Variants in SHROOM2 observed in about 807,000 individuals in gnomAD.
SHROOM2 encodes protein Shroom2.
SHROOM2 carries 33 observed loss-of-function variants against 75.9 expected under a neutral mutation model. The ratio of observed to expected loss-of-function variants is 0.43; its 90% CI spans 0.33 to 0.58. The LOEUF is 0.58. SHROOM2 is among the 20% of genes least tolerant of loss of function. SHROOM2 has a pLI of 0.04. For synonymous variants in SHROOM2, 655 were observed against 663.6 expected, an observed-to-expected ratio of 0.99 and a Z score of 0.20; for missense variants, 1,434 against 1,461.2, an observed-to-expected ratio of 0.98 and a Z score of 0.30.
intron 1 of SHROOM2, among the ~76,000 whole-genome samples, chrX:9,841,624 T>C (rs2083980015): frequency 8.9e-6 from 1 of 111,921 alleles, no homozygotes; most frequent in South Asian, 3.7e-4. Context: ...CAGGCAGTTA[T>C]AGTTGGAGGC....
chrX:9,829,700 C>T (rs1035192509), intron 1 of SHROOM2, among the ~76,000 whole-genome samples: 1 of 112,193 alleles, frequency 8.9e-6, no homozygotes, highest in Non-Finnish European at 1.9e-5. Context: ...CTGAAGGTGA[C>T]TCACAAGCGA....
chrX:9,877,641 C>G (rs2084208226), intron 2 of SHROOM2, among the ~76,000 whole-genome samples: 1 of 112,102 alleles, frequency 8.9e-6, no homozygotes, highest in African/African-American at 3.2e-5. Context: ...GATCTGGGCT[C>G]TGGAATCTTC....
rs2083853432 is a variant in SHROOM2, at chrX:9,821,602, A to G, written c.165+34892A>G. On this transcript the variant is annotated intron_variant, in intron 1 of 9. Coordinates refer to ENST00000380913, the MANE Select transcript of SHROOM2 (RefSeq NM_001649.4). ...GAAATTTTAAAGCCTGTTGGTTGTA[A>G]TAAATATTGCACCCCACCACATTTG... Among the ~76,000 whole-genome samples, 6 of 112,269 alleles carry G rather than the reference A, an allele frequency of 5.3e-5. No individual in the cohort carries two copies. The Admixed American group carries it at 5.7e-4, about 11-fold the overall frequency.
intron 5 of SHROOM2, among the ~76,000 whole-genome samples, chrX:9,907,844 C>G (rs964368958): frequency 8.9e-6 from 1 of 111,747 alleles, no homozygotes; most frequent in African/African-American, 3.3e-5. Flanking sequence ...TGTGGCTGCT[C>G]CCTCTCTATA....
At chrX:9,882,079 T>C (rs148580072) in intron 2 of SHROOM2, among the ~76,000 whole-genome samples, 4,000 of 111,152 alleles carry the variant, frequency 0.036, 74 homozygotes, top group Non-Finnish European at 0.055. Flanking sequence ...AGATTGTTTC[T>C]TGAAATCTCT....
intron 1 of SHROOM2, among the ~76,000 whole-genome samples, chrX:9,856,943 G>C (rs2084074104): frequency 8.9e-6 from 1 of 112,563 alleles, no homozygotes; most frequent in South Asian, 3.6e-4. Flanking sequence ...GGCTGCTCCA[G>C]TCTCCATGGT....
intron 1 of SHROOM2, among the ~76,000 whole-genome samples, chrX:9,796,006 G>C (rs927507493): frequency 9.0e-6 from 1 of 111,118 alleles, no homozygotes; most frequent in African/African-American, 3.3e-5. Context: ...GTTCCTAACC[G>C]TTTCTAATCA....
chrX:9,871,110 T>C (rs1159889433), intron 1 of SHROOM2, among the ~76,000 whole-genome samples: 2 of 111,809 alleles, frequency 1.8e-5, no homozygotes, highest in East Asian at 5.6e-4. Context: ...TTGGAATCCC[T>C]GGACCCCCAG....
At chrX:9,934,222 G>A (rs188736447) in intron 6 of SHROOM2, among the ~76,000 whole-genome samples, 542 of 112,129 alleles carry the variant, frequency 4.8e-3, no homozygotes, top group Non-Finnish European at 8.3e-3. Context: ...CAGGTGTGGC[G>A]GGTGGCTGCC....
At chrX:9,815,796 A>T (rs1051024700) in intron 1 of SHROOM2, among the ~76,000 whole-genome samples, 1 of 110,355 alleles carries the variant, frequency 9.1e-6, no homozygotes, top group Admixed American at 9.9e-5. Flanking sequence ...TCTCCTTTTC[A>T]CGTCTTTCTG....
rs1039059789 is a variant in SHROOM2 at position 9,837,530 on chromosome X, C to T, written c.166-36122C>T. ...GTCCCATCCTGCCCTCCCGACAGGGCGGCATGCGGAAGGAACATAGGGGAC... is the reference window on the plus strand; with the variant it reads ...GTCCCATCCTGCCCTCCCGACAGGGTGGCATGCGGAAGGAACATAGGGGAC... On this transcript the variant is annotated intron_variant, in intron 1 of 9. Coordinates refer to ENST00000380913, the MANE Select transcript of SHROOM2 (RefSeq NM_001649.4). 2.7e-5 allele frequency among the ~76,000 whole-genome samples: 3 copies of T among 112,233 alleles called. No individual in the cohort carries two copies. The East Asian group carries it at 8.4e-4, about 31-fold the overall frequency.
At chrX:9,806,331 T>C (rs2083751712) in intron 1 of SHROOM2, among the ~76,000 whole-genome samples, 1 of 110,512 alleles carries the variant, frequency 9.0e-6, no homozygotes, top group African/African-American at 3.3e-5. Flanking sequence ...AATGAACTTT[T>C]AGGTCCCCAA....
At position 9,873,813 on chromosome X, in the gene SHROOM2, G is replaced by A. The variant is rs368631870; in HGVS notation, c.317+10G>A. ...AGCTGGTCGTCAAAAGGTAAGATCT[G>A]AGCTTCCTCCCACATTTACCACGAC... On this transcript the variant is annotated intron_variant, in intron 2 of 9. Transcript: ENST00000380913. The A allele has an allele frequency of 5.7e-5, 69 of 1,207,105 alleles. No individual in the cohort carries two copies. The highest frequency in any genetic ancestry group is 4.9e-5 in the Non-Finnish European group (44 of 893,865).
intron 5 of SHROOM2, among the ~76,000 whole-genome samples, chrX:9,918,843 C>G (rs1425824854): frequency 8.9e-6 from 1 of 112,063 alleles, no homozygotes; most frequent in Non-Finnish European, 1.9e-5. Flanking sequence ...ACCCTCCTGA[C>G]TGCATCACCT....
At chrX:9,906,403 G>A (rs1601981789) in intron 5 of SHROOM2, among the ~76,000 whole-genome samples, 2 of 111,879 alleles carry the variant, frequency 1.8e-5, no homozygotes, top group Admixed American at 9.4e-5. Context: ...ACTGAACTGC[G>A]CTGTTTCAAA....
chrX:9,818,913 C>T, intron 1 of SHROOM2: 2 of 550,680 alleles, frequency 3.6e-6, no homozygotes, highest in South Asian at 2.4e-5. Context: ...TATCTTCCCC[C>T]CAGTCATCCT....
chrX:9,938,664 C>G (rs1318108926), intron 7 of SHROOM2, among the ~76,000 whole-genome samples: 3 of 112,598 alleles, frequency 2.7e-5, no homozygotes. Flanking sequence ...CACTTGACCA[C>G]AAAGGCATGC....
chrX:9,819,425 G>T, intron 1 of SHROOM2: 1 of 407,429 alleles, frequency 2.5e-6, no homozygotes, highest in South Asian at 4.0e-5. Flanking sequence ...AGGGCATCTT[G>T]TAATAGAACT....
rs1602014140 is a variant in SHROOM2 at position 9,932,306 on chromosome X, G to A, written c.3023G>A (p.Gly1008Asp). ...CRGAPELPRE[G>D]RGRAGTLPRD... is the part of the protein sequence containing the mutation. ...GGAGCCCCAGAGCTGCCCCGGGAGG[G>A]CCGGGGCCGAGCGGGAACCCTACCT... Residue 1008 changes from glycine to aspartate, a missense_variant, in exon 6 of 10, where the codon GGC becomes GAC. Gly to Asp is a moderately conservative substitution (Grantham distance 94). This residue lies in a region of SHROOM2 where 1,340 missense variants were observed against 1,338.3 expected (regional missense o/e 1.00). Coordinates refer to ENST00000380913, the MANE Select transcript of SHROOM2 (RefSeq NM_001649.4). The A allele has an allele frequency of 1.7e-6, 2 of 1,207,779 alleles. No homozygotes were observed. Among genetic ancestry groups the A allele is most frequent in the Non-Finnish European group, 2.2e-6 (2 of 893,190 alleles).
Sources: gnomAD v4.1 joint callset for allele counts (sites outside exome capture counted in the v4.1 genomes callset) on GRCh38, gnomAD v4.1.1 for gene constraint, gnomAD v4.1.1 regional missense constraint, MANE v1.5 for transcripts, NCBI Gene and HGNC (gene_info 2026-07-23, HGNC 2026-07-21) for gene names.